Variants in PPP1R12C observed in about 807,000 individuals in gnomAD.
PPP1R12C encodes protein phosphatase 1 regulatory subunit 12C, also known as leukocyte receptor cluster (LRC) encoded novel gene 3.
Under a neutral mutation model 95.6 loss-of-function variants are expected in PPP1R12C, and 48 were observed. The ratio of observed to expected loss-of-function variants is 0.50; its 90% CI spans 0.40 to 0.64. The LOEUF is 0.64. Among genes scored for constraint, PPP1R12C ranks in the 30% least tolerant of loss-of-function variants. The probability of loss-of-function intolerance (pLI) is 0.00; values close to 1 mark genes in which losing one functional copy is unlikely to be tolerated. For missense variants in PPP1R12C, 1,057 were observed against 1,083.3 expected, an observed-to-expected ratio of 0.98 and a Z score of 0.34; for synonymous variants, 480 against 460.8, an observed-to-expected ratio of 1.04 and a Z score of -0.53.
chr19:55,092,575 C>A, intron 17 of PPP1R12C, 31 bp from the exon 18 acceptor site: 1 of 1,565,462 alleles, frequency 6.4e-7, no homozygotes, highest in Non-Finnish European at 8.6e-7. Flanking sequence ...GCGTCAGGGG[C>A]CGGCCCGGCC....
At chr19:55,112,178 A>ACCCCCCCCCCCC (rs59876929) in intron 3 of PPP1R12C, 13 of 131,600 alleles carry the variant, frequency 9.9e-5, no homozygotes, top group African/African-American at 3.6e-4. Context: ...GAGTCCCTCC[A>ACCCCCCCCCCCC]CCCACCCACC....
rs374885966 is a variant in PPP1R12C, at chr19:55,112,507, G to A, written c.531C>T (p.Asp177=). 13 of 1,613,040 alleles carry A rather than the reference G, an allele frequency of 8.1e-6. No individual in the cohort carries two copies. The highest frequency in any genetic ancestry group is 2.7e-5 in the African/African-American group (2 of 74,890). Residue 177 remains aspartate, a synonymous_variant, in exon 3 of 22, where the codon GAC becomes GAT. Transcript: ENST00000263433. ...CCGCCTTCAGCAGCCCCTCCATGGCGTCCGACTCGGCCAGGTCCAGGGGCA... is the reference window on the plus strand; with the variant it reads ...CCGCCTTCAGCAGCCCCTCCATGGCATCCGACTCGGCCAGGTCCAGGGGCA... ...GDLPLDLAES[D]AMEGLLKAEI...
chr19:55,107,851 AT>A (rs1352043790), intron 3 of PPP1R12C, among the ~76,000 whole-genome samples: 3 of 152,200 alleles, frequency 2.0e-5, no homozygotes, highest in South Asian at 2.1e-4. Flanking sequence ...AATTAAAAAA[AT>A]AAAAAATAAA....
Position 55,101,154 on chromosome 19 carries a change from A to C in PPP1R12C, c.732-2059T>G, listed in dbSNP as rs555559284. ...TCACAGCTACTCAGGAGGTTGAGGC[A>C]GGAGAATTGCTTGAACCCAGGGGAC... is the stretch of plus-strand genomic sequence containing the variant. On this transcript the variant is annotated intron_variant, in intron 4 of 21. Coordinates refer to ENST00000263433, the MANE Select transcript of PPP1R12C (RefSeq NM_017607.4). 5.3e-5 allele frequency among the ~76,000 whole-genome samples: 8 copies of C among 152,180 alleles called. No homozygotes were observed. In the South Asian group the frequency reaches 1.7e-3, roughly 32 times the overall value.
rs1261719118 is a variant in PPP1R12C at position 55,096,035 on chromosome 19, G to A, written c.1153+16C>T. Reference sequence around the variant, plus strand: ...CTCCTCCCTCGGACCCAGGAGTCCAGATTCAGGCCCCTCACCGGTGGGACC... The same window carrying A: ...CTCCTCCCTCGGACCCAGGAGTCCAAATTCAGGCCCCTCACCGGTGGGACC... On this transcript the variant is annotated intron_variant, in intron 8 of 21. Coordinates refer to ENST00000263433, the MANE Select transcript of PPP1R12C (RefSeq NM_017607.4). 6.2e-7 allele frequency: 1 copy of A among 1,609,132 alleles called. No homozygotes were observed. The highest frequency in any genetic ancestry group is 2.2e-5 in the East Asian group (1 of 44,864).
intron 1 of PPP1R12C, chr19:55,113,694 A>C: frequency 2.1e-6 from 2 of 974,302 alleles, no homozygotes; most frequent in Non-Finnish European, 2.7e-6. Context: ...CATCTGGAGG[A>C]GGCGGGAGGG....
At chr19:55,113,481 C>A in intron 1 of PPP1R12C, 2 of 1,467,456 alleles carry the variant, frequency 1.4e-6, no homozygotes, top group South Asian at 1.3e-5. Flanking sequence ...CACGGGCCAC[C>A]GTTTCTCATT....
chr19:55,112,893 A>T, intron 1 of PPP1R12C, 98 bp from the exon 2 acceptor site: 1 of 1,520,210 alleles, frequency 6.6e-7, no homozygotes, highest in South Asian at 1.2e-5. Context: ...ATCCAGGGAC[A>T]CGGTGCTAGG....
chr19:55,117,270 C>A lies in PPP1R12C; in HGVS notation c.274G>T (p.Ala92Ser). 8.2e-7 allele frequency: 1 copy of A among 1,224,544 alleles called. No homozygotes were observed. Among genetic ancestry groups the A allele is most frequent in the Non-Finnish European group, 1.0e-6 (1 of 984,496 alleles). The allele number at this position is 1,224,544 out of a possible 1,614,324, so 75.9% of individuals were successfully genotyped here. Residue 92 changes from alanine (A) to serine (S), a missense_variant, in exon 1 of 22, where the codon GCC (alanine) becomes TCC (serine). Ala to Ser is a moderately conservative substitution (Grantham distance 99, BLOSUM62 1). Transcript: ENST00000263433. ...TCGGCGTTGGTGGAGTCCAGCACGGCGCGGGCGGGCGGCGGCGCGGCGGGG... is the reference window on the plus strand; with the variant it reads ...TCGGCGTTGGTGGAGTCCAGCACGGAGCGGGCGGGCGGCGGCGCGGCGGGG... The part of the protein sequence containing the change: ...LDPAAPPPAR[A>S]VLDSTNADGI...
Position 55,094,703 on chromosome 19 carries a change from G to C in PPP1R12C, c.1550C>G (p.Thr517Arg), listed in dbSNP as rs2147181403. Residue 517 changes from threonine (T) to arginine (R), a missense_variant, in exon 12 of 22, where the codon ACA (threonine) becomes AGA (arginine). Physicochemically the swap from Thr to Arg is moderately conservative, Grantham distance 71. Transcript: ENST00000263433. ...PESPAKPNVPTASTAPPADSR... is the reference protein window; with the variant it reads ...PESPAKPNVPRASTAPPADSR... ...GTCCGCTGGGGGCGCCGTGGAGGCTGTGGGGACGTTTGGCTTCGCTGGGGA... is the reference window on the plus strand; with the variant it reads ...GTCCGCTGGGGGCGCCGTGGAGGCTCTGGGGACGTTTGGCTTCGCTGGGGA... 3 of 1,609,654 alleles carry C rather than the reference G, an allele frequency of 1.9e-6. No individual in the cohort carries two copies. Among genetic ancestry groups the C allele is most frequent in the Non-Finnish European group, 2.5e-6 (3 of 1,179,044 alleles).
chr19:55,099,107 G>A lies in PPP1R12C; in HGVS notation c.732-12C>T, dbSNP rs1281725146. The A allele has an allele frequency of 5.3e-6, 8 of 1,519,636 alleles. No homozygotes were observed. The highest frequency in any genetic ancestry group is 1.2e-5 in the South Asian group (1 of 80,074). 94.1% of individuals were successfully genotyped at this position (1,519,636 alleles called of 1,614,324 possible). A position where few individuals can be genotyped will look rare whatever the true frequency, so the allele number is the denominator to read the frequency against. ...CCTGAAGGAGCAACCTGGGGGCCAG[G>A]GAGGCTCAGGGTCAGAGGCCAAGGC... On this transcript the variant is annotated splice_polypyrimidine_tract_variant and intron_variant, in intron 4 of 21. Coordinates refer to ENST00000263433, the MANE Select transcript of PPP1R12C (RefSeq NM_017607.4).
chr19:55,115,750 C>A (rs577287823), intron 1 of PPP1R12C, among the ~76,000 whole-genome samples: 1 of 152,314 alleles, frequency 6.6e-6, no homozygotes, highest in African/African-American at 2.4e-5. Flanking sequence ...TTTCTGTCAC[C>A]AATCCTGTCC....
In PPP1R12C at chr19:55,096,342, G is replaced by A. The variant is rs763912643; in HGVS notation, c.952-7C>T. The A allele has an allele frequency of 1.3e-5, 21 of 1,613,196 alleles. No homozygotes were observed. The Admixed American group carries it at 3.3e-4, about 26-fold the overall frequency. ...CTTCTTTTTGGTTCCGAAGCTGCAA[G>A]GAGGGAAGGGGGCTGCAGGGGAGGG... On this transcript the variant is annotated splice_region_variant and splice_polypyrimidine_tract_variant and intron_variant, in intron 6 of 21. Coordinates refer to ENST00000263433, the MANE Select transcript of PPP1R12C (RefSeq NM_017607.4).
intron 11 of PPP1R12C, 79 bp from the exon 12 acceptor site, chr19:55,094,877 G>T: frequency 2.0e-6 from 3 of 1,467,804 alleles, no homozygotes; most frequent in East Asian, 2.4e-5. Flanking sequence ...GTGAGTGAAA[G>T]AAACAAATTA....
intron 11 of PPP1R12C, 42 bp from the exon 12 acceptor site, chr19:55,094,840 T>C (rs1414730332): frequency 6.4e-7 from 1 of 1,555,296 alleles, no homozygotes; most frequent in Admixed American, 1.9e-5. Context: ...CCCAGGTGCA[T>C]TGTGTGCCGG....
intron 11 of PPP1R12C, 117 bp downstream of exon 11, chr19:55,095,174 G>A (rs1350143188): frequency 1.7e-6 from 2 of 1,160,052 alleles, no homozygotes; most frequent in Non-Finnish European, 2.5e-6. Flanking sequence ...ACAGGCTCTG[G>A]AGTGGCGGCA....
chr19:55,095,586 G>A lies in PPP1R12C; in HGVS notation c.1245C>T (p.Pro415=). 3 of 1,571,330 alleles carry A rather than the reference G, an allele frequency of 1.9e-6. No individual in the cohort carries two copies. The highest frequency in any genetic ancestry group is 1.2e-5 in the South Asian group (1 of 84,068). The stretch of plus-strand genomic sequence containing the variant: ...TCAGGAGGCCAAAGCGCCTGGAGAA[G>A]GGGGCCTCTTCAAGCTGCTGGGAGA... ...PKSPVQLEEA[P]FSRRFGLLKT... The change falls in exon 10 of 22, where the codon CCC becomes CCT. Residue 415 remains proline (P), a synonymous_variant. Transcript: ENST00000263433.
chr19:55,117,188 C>A (rs1488726000), intron 1 of PPP1R12C, 35 bp downstream of exon 1: 1 of 1,219,574 alleles, frequency 8.2e-7, no homozygotes, highest in Non-Finnish European at 1.0e-6. Flanking sequence ...GAGGGTGGAC[C>A]TGGCCCCGGG....
chr19:55,114,898 C>G (rs182117635), intron 1 of PPP1R12C: 2 of 147,510 alleles, frequency 1.4e-5, no homozygotes, highest in Admixed American at 6.7e-5. Context: ...TGCAGGGGAA[C>G]GGGGATGCAG....
Sources: allele counts gnomAD v4.1 joint callset (sites outside exome capture counted in the v4.1 genomes callset), GRCh38; gene constraint gnomAD v4.1.1; transcripts MANE v1.5; gene names NCBI Gene and HGNC (gene_info 2026-07-23, HGNC 2026-07-21).